The following BMERB1 variants were observed in gnomAD, a reference collection of about 807,000 sequenced individuals.
BMERB1 encodes bMERB domain-containing protein 1.
Under a neutral mutation model 23.6 loss-of-function variants are expected in BMERB1, and 12 were observed. The ratio of observed to expected loss-of-function variants is 0.51; its 90% CI spans 0.33 to 0.82. BMERB1 has a LOEUF of 0.82. Among genes scored for constraint, BMERB1 ranks in the 40% least tolerant of loss-of-function variants. The probability of loss-of-function intolerance (pLI) is 0.03; values close to 1 mark genes in which losing one functional copy is unlikely to be tolerated. For synonymous variants in BMERB1, 122 were observed against 96.6 expected (o/e 1.26, Z -1.54); for missense variants, 247 against 255.4 (o/e 0.97, Z 0.22).
intron 1 of BMERB1, among the ~76,000 whole-genome samples, chr16:15,488,658 C>T (rs1164055447): frequency 2.0e-5 from 3 of 147,232 alleles, no homozygotes; most frequent in Non-Finnish European, 4.5e-5. Flanking sequence ...ACAGTGAAAC[C>T]CCATCTCTAC....
At chr16:15,463,071 T>A (rs1478931665) in intron 1 of BMERB1, among the ~76,000 whole-genome samples, 1 of 151,982 alleles carries the variant, frequency 6.6e-6, no homozygotes, top group Non-Finnish European at 1.5e-5. Context: ...AACATTGGGA[T>A]AAATTTCTTT....
At chr16:15,445,436 G>A (rs899408592) in intron 1 of BMERB1, among the ~76,000 whole-genome samples, 3 of 152,168 alleles carry the variant, frequency 2.0e-5, no homozygotes, top group Admixed American at 2.0e-4. Flanking sequence ...GCTGGCAGCA[G>A]GGTAGCTAAT....
At chr16:15,535,659 A>AC (rs969884031) in intron 2 of BMERB1, among the ~76,000 whole-genome samples, 1 of 151,862 alleles carries the variant, frequency 6.6e-6, no homozygotes, top group Non-Finnish European at 1.5e-5. Flanking sequence ...AAAAAAAAAA[A>AC]AAAAGGAAAG....
chr16:15,544,825 GTTC>G (rs1474039186), intron 2 of BMERB1, among the ~76,000 whole-genome samples: 1 of 152,252 alleles, frequency 6.6e-6, no homozygotes, highest in South Asian at 2.1e-4. Context: ...GTCTTACTCT[GTTC>G]TTCTCCCTTT....
chr16:15,569,224 G>T (rs937839978), intron 3 of BMERB1, among the ~76,000 whole-genome samples: 1 of 151,976 alleles, frequency 6.6e-6, no homozygotes, highest in Non-Finnish European at 1.5e-5. Flanking sequence ...TCAAAAAAAA[G>T]AAAGAGAGAA....
intron 2 of BMERB1, among the ~76,000 whole-genome samples, chr16:15,540,035 A>G (rs1372152150): frequency 1.3e-5 from 2 of 151,194 alleles, no homozygotes; most frequent in Non-Finnish European, 2.9e-5. Context: ...CACCTGTAGT[A>G]CCCCCAGCTA....
intron 1 of BMERB1, among the ~76,000 whole-genome samples, chr16:15,446,074 C>T (rs767743833): frequency 2.6e-5 from 4 of 152,000 alleles, no homozygotes; most frequent in Admixed American, 6.6e-5. Context: ...AGAAAGTAAG[C>T]GAGACTCTAA....
At chr16:15,568,921 A>G (rs1274360296) in intron 3 of BMERB1, among the ~76,000 whole-genome samples, 3 of 152,098 alleles carry the variant, frequency 2.0e-5, no homozygotes, top group African/African-American at 7.2e-5. Flanking sequence ...ACCCTTATCA[A>G]AATGCTAGTC....
In BMERB1 at chr16:15,555,134, GT is replaced by G. The variant is rs1478182098; in HGVS notation, c.231-12848del. On this transcript the variant is annotated intron_variant, in intron 2 of 5. Coordinates refer to ENST00000300006, the MANE Select transcript of BMERB1 (RefSeq NM_033201.3). ...TTGCCTCCCAGGTTGGAGTACAGTG[GT>G]GTGATCATGGCTCACCCAGGAGCTC... 3.9e-5 allele frequency among the ~76,000 whole-genome samples: 6 copies of G among 152,110 alleles called. 1 individual carries two copies. The highest frequency in any genetic ancestry group is 4.1e-4 in the South Asian group (2 of 4,830).
At chr16:15,439,156 TATGTA>T (rs1432463705) in intron 1 of BMERB1, among the ~76,000 whole-genome samples, 1 of 152,172 alleles carries the variant, frequency 6.6e-6, no homozygotes, top group Non-Finnish European at 1.5e-5. Flanking sequence ...AGATAAAAGA[TATGTA>T]ATGTGCTATA....
chr16:15,513,606 G>A (rs929465898), intron 1 of BMERB1, among the ~76,000 whole-genome samples: 12 of 152,080 alleles, frequency 7.9e-5, no homozygotes, highest in African/African-American at 2.9e-4. Flanking sequence ...TCTTTATAAA[G>A]TGTGTCTGCC....
At chr16:15,585,144 C>T (rs62036873) in intron 5 of BMERB1, among the ~76,000 whole-genome samples, 37 of 152,242 alleles carry the variant, frequency 2.4e-4, no homozygotes, top group Non-Finnish European at 4.3e-4. Flanking sequence ...CTGCTGGCTC[C>T]TATAACCACA....
intron 2 of BMERB1, among the ~76,000 whole-genome samples, chr16:15,522,052 AC>A (rs1287009960): frequency 6.6e-6 from 1 of 151,762 alleles, no homozygotes; most frequent in Admixed American, 6.6e-5. Flanking sequence ...TAGTCTACCA[AC>A]CCGCTCCTGC....
chr16:15,463,928 A>T (rs2051158999), intron 1 of BMERB1, among the ~76,000 whole-genome samples: 1 of 152,108 alleles, frequency 6.6e-6, no homozygotes, highest in South Asian at 2.1e-4. Context: ...AGTGGTCCTG[A>T]TCCAGACTGC....
At chr16:15,506,887 T>A (rs2051597996) in intron 1 of BMERB1, among the ~76,000 whole-genome samples, 1 of 152,152 alleles carries the variant, frequency 6.6e-6, no homozygotes, top group African/African-American at 2.4e-5. Flanking sequence ...GTGCAGCGAG[T>A]AGCAGGATCT....
At chr16:15,475,154 T>G (rs2051264535) in intron 1 of BMERB1, among the ~76,000 whole-genome samples, 1 of 152,236 alleles carries the variant, frequency 6.6e-6, no homozygotes, top group African/African-American at 2.4e-5. Flanking sequence ...GTACGTTTAG[T>G]TCCTTACTGC....
intron 1 of BMERB1, among the ~76,000 whole-genome samples, chr16:15,439,664 G>A (rs561669973): frequency 2.6e-5 from 4 of 152,228 alleles, no homozygotes; most frequent in East Asian, 1.9e-4. Context: ...CTTCAACAGC[G>A]TTTTTCCACT....
At chr16:15,526,908 C>A (rs148636113) in intron 2 of BMERB1, among the ~76,000 whole-genome samples, 2,057 of 147,150 alleles carry the variant, frequency 0.014, 55 homozygotes, top group African/African-American at 0.049. Flanking sequence ...AATAATAATT[C>A]TATGAAGTAT....
In BMERB1 at chr16:15,515,368, T is replaced by C. The variant is rs1443260027; in HGVS notation, c.170T>C (p.Met57Thr). 1 of 1,613,950 alleles carries C rather than the reference T, an allele frequency of 6.2e-7. No homozygotes were observed. Among genetic ancestry groups the C allele is most frequent in the South Asian group, 1.1e-5 (1 of 91,066 alleles). Residue 57 changes from methionine (M) to threonine (T), a missense_variant, in exon 2 of 6, where the codon ATG becomes ACG. Transcript: ENST00000300006. ...ATGCCAGAGGAGATTGAGCTGGAGATGGCAAAAATTCAGCGTCTCCGGGAA... is the reference window on the plus strand; with the variant it reads ...ATGCCAGAGGAGATTGAGCTGGAGACGGCAAAAATTCAGCGTCTCCGGGAA... ...TMMPEEIELE[M>T]AKIQRLREVL...
Sources: allele counts gnomAD v4.1 joint callset (sites outside exome capture counted in the v4.1 genomes callset), GRCh38; gene constraint gnomAD v4.1.1; transcripts MANE v1.5; gene names NCBI Gene and HGNC (gene_info 2026-07-23, HGNC 2026-07-21).